QTMAN: variants seen among roughly 807,000 people sequenced by gnomAD.
QTMAN encodes queuosine-tRNA mannosyltransferase.
At chr2:144,260,458 A>G in the QTMAN span, among the ~76,000 whole-genome samples, 1 of 152,088 alleles carries the variant, frequency 6.6e-6, no homozygotes, top group East Asian at 1.9e-4. Context: ...TGTAATTTTT[A>G]TAGTGAGTAC....
the QTMAN span, among the ~76,000 whole-genome samples, chr2:144,183,461 A>G: frequency 6.6e-6 from 1 of 152,088 alleles, no homozygotes; most frequent in South Asian, 2.1e-4. Flanking sequence ...GTTTTCATCA[A>G]TCATTTTTTA....
At chr2:144,197,133 G>A in the QTMAN span, among the ~76,000 whole-genome samples, 20 of 152,214 alleles carry the variant, frequency 1.3e-4, no homozygotes, top group Admixed American at 1.3e-3. Context: ...GCATGTTACT[G>A]TATTTAATAT....
chr2:143,945,835 G>A, the QTMAN span: 1 of 152,196 alleles, frequency 6.6e-6, no homozygotes, highest in Admixed American at 6.5e-5. Flanking sequence ...TTTACCTCCT[G>A]CTTTCCAGAA....
chr2:144,308,357 G>A, the QTMAN span, among the ~76,000 whole-genome samples: 126 of 151,750 alleles, frequency 8.3e-4, no homozygotes, highest in African/African-American at 2.8e-3. Flanking sequence ...TAGTACAGAC[G>A]GGGTTTCACT....
chr2:144,330,172 A>G, the QTMAN span, among the ~76,000 whole-genome samples: 1 of 152,246 alleles, frequency 6.6e-6, no homozygotes, highest in African/African-American at 2.4e-5. Context: ...TTCAGTCAAC[A>G]AAACATCGAA....
the QTMAN span, among the ~76,000 whole-genome samples, chr2:144,252,033 GT>G: frequency 3.3e-3 from 495 of 147,884 alleles, no homozygotes; most frequent in Non-Finnish European, 5.0e-3. Flanking sequence ...CTGCCTCTAT[GT>G]TTTTTTTTTA....
chr2:143,957,256 C>T, the QTMAN span: 1 of 1,612,872 alleles, frequency 6.2e-7, no homozygotes, highest in Admixed American at 1.7e-5. Flanking sequence ...ATGCACAGTA[C>T]TTGGAAATAG....
At chr2:144,068,322 T>C in the QTMAN span, among the ~76,000 whole-genome samples, 3 of 152,172 alleles carry the variant, frequency 2.0e-5, no homozygotes, top group African/African-American at 7.2e-5. Flanking sequence ...TAAATGAAAC[T>C]TGAAAAAAAT....
At chr2:144,316,167 G>C in the QTMAN span, among the ~76,000 whole-genome samples, 1 of 151,926 alleles carries the variant, frequency 6.6e-6, no homozygotes, top group Non-Finnish European at 1.5e-5. Context: ...CTTGAGCTCA[G>C]AGGTTGAGGC....
At chr2:144,065,539 G>T in the QTMAN span, among the ~76,000 whole-genome samples, 1 of 151,990 alleles carries the variant, frequency 6.6e-6, no homozygotes, top group African/African-American at 2.4e-5. Flanking sequence ...TACTCAGTTG[G>T]CTCTCTTTAA....
chr2:143,963,546 A>G, the QTMAN span, among the ~76,000 whole-genome samples: 3 of 151,656 alleles, frequency 2.0e-5, no homozygotes, highest in African/African-American at 7.3e-5. Flanking sequence ...CACTTCATAC[A>G]TGTTCTGAAT....
At chr2:144,172,804 T>A in the QTMAN span, among the ~76,000 whole-genome samples, 1 of 152,030 alleles carries the variant, frequency 6.6e-6, no homozygotes, top group Admixed American at 6.6e-5. Context: ...TCACCTAAGA[T>A]TATGCCTTAC....
the QTMAN span, among the ~76,000 whole-genome samples, chr2:144,105,380 TAG>T: frequency 1.3e-5 from 2 of 152,268 alleles, no homozygotes; most frequent in East Asian, 3.9e-4. Flanking sequence ...AATGGCTAAC[TAG>T]AATAACCAGT....
At chr2:144,182,901 TTA>T in the QTMAN span, among the ~76,000 whole-genome samples, 36 of 95,822 alleles carry the variant, frequency 3.8e-4, no homozygotes, top group Non-Finnish European at 5.8e-4. Context: ...TATATATATA[TTA>T]TATATATATA....
At chr2:144,147,443 T>G in the QTMAN span, among the ~76,000 whole-genome samples, 100 of 151,978 alleles carry the variant, frequency 6.6e-4, no homozygotes, top group African/African-American at 2.4e-3. Flanking sequence ...ATGAAGATAT[T>G]TGTTTACCTA....
At chr2:143,949,692 G>A in the QTMAN span, among the ~76,000 whole-genome samples, 339 of 151,920 alleles carry the variant, frequency 2.2e-3, 1 homozygote, top group African/African-American at 7.9e-3. Context: ...CTCTCCGACT[G>A]CATAAGAAAA....
chr2:144,016,677 C>T, the QTMAN span, among the ~76,000 whole-genome samples: 10 of 152,130 alleles, frequency 6.6e-5, no homozygotes, highest in African/African-American at 2.2e-4. Flanking sequence ...GATGGGAAAA[C>T]GTACTGCTGT....
At chr2:144,085,003 C>T in the QTMAN span, among the ~76,000 whole-genome samples, 1 of 152,010 alleles carries the variant, frequency 6.6e-6, no homozygotes, top group South Asian at 2.1e-4. Flanking sequence ...AAACAATCTC[C>T]TTAGTGAATT....
At chr2:144,011,786 C>T in the QTMAN span, 1 of 979,024 alleles carries the variant, frequency 1.0e-6, no homozygotes, top group African/African-American at 1.8e-5. Context: ...CTTCCTTTCT[C>T]TTTCCCAGTT....
Sources: allele counts gnomAD v4.1 joint callset (sites outside exome capture counted in the v4.1 genomes callset), GRCh38; gene constraint gnomAD v4.1.1; transcripts MANE v1.5; gene names NCBI Gene and HGNC (gene_info 2026-07-23, HGNC 2026-07-21).